The following PIN4 variants were observed in gnomAD, a reference collection of about 807,000 sequenced individuals.
PIN4 encodes peptidyl-prolyl cis-trans isomerase NIMA-interacting 4.
PIN4 carries 3 observed loss-of-function variants against 8.3 expected under a neutral mutation model. The ratio of observed to expected loss-of-function variants is 0.36; its 90% CI spans 0.16 to 0.93. The LOEUF (loss-of-function observed/expected upper bound fraction) is 0.93, where lower values mean the gene tolerates loss of function less well. Among genes scored for constraint, PIN4 ranks in the 40% least tolerant of loss-of-function variants. PIN4 has a pLI of 0.44. For synonymous variants in PIN4, 18 were observed against 32.5 expected (o/e 0.55, Z 1.52); for missense variants, 75 against 100.6 (o/e 0.75, Z 1.09).
chrX:72,196,876 A>G lies in PIN4; in HGVS notation c.209A>G (p.Gln70Arg), dbSNP rs1227047935. The change falls in exon 3 of 4, where the codon CAG becomes CGG. Residue 70 changes from glutamine (Q) to arginine (R), a missense_variant. Transcript: ENST00000373669. ...ATGAGATTCAATGAAGTGGCCGCAC[A>G]GTATAGTGAAGATAAAGCCAGGCAA... Reference protein sequence around the residue: ...SGMRFNEVAAQYSEDKARQGG... With the variant: ...SGMRFNEVAARYSEDKARQGG... The G allele has an allele frequency of 8.3e-6, 10 of 1,198,610 alleles. No individual in the cohort carries two copies. Among genetic ancestry groups the G allele is most frequent in the Non-Finnish European group, 1.1e-5 (10 of 888,435 alleles).
At chrX:72,235,105 A>C (rs1273183069) in intron 3 of PIN4, among the ~76,000 whole-genome samples, 5 of 112,213 alleles carry the variant, frequency 4.5e-5, no homozygotes, top group African/African-American at 1.6e-4. Context: ...CAAATGTTAA[A>C]ACAACACAAA....
At chrX:72,188,694 T>C (rs1378401389) in intron 2 of PIN4, among the ~76,000 whole-genome samples, 1 of 111,514 alleles carries the variant, frequency 9.0e-6, no homozygotes, top group Non-Finnish European at 1.9e-5. Context: ...TGTTTTGTTG[T>C]TTTTATCTTT....
intron 3 of PIN4, among the ~76,000 whole-genome samples, chrX:72,239,336 G>A (rs2043038099): frequency 8.9e-6 from 1 of 112,442 alleles, no homozygotes; most frequent in African/African-American, 3.2e-5. Flanking sequence ...GACCCCTGGA[G>A]ATCTCCAACG....
At chrX:72,215,391 GA>G (rs1174831623) in intron 3 of PIN4, among the ~76,000 whole-genome samples, 3 of 111,700 alleles carry the variant, frequency 2.7e-5, no homozygotes, top group African/African-American at 9.7e-5. Flanking sequence ...TACTTTAAAA[GA>G]AAAAAACTAA....
chrX:72,240,491 T>G (rs1050044876), intron 3 of PIN4, among the ~76,000 whole-genome samples: 2 of 111,738 alleles, frequency 1.8e-5, no homozygotes, highest in African/African-American at 6.5e-5. Flanking sequence ...TCATAAAATT[T>G]ATAGACCGTT....
At chrX:72,193,470 A>T (rs1350546092) in intron 2 of PIN4, among the ~76,000 whole-genome samples, 3 of 111,223 alleles carry the variant, frequency 2.7e-5, no homozygotes, top group Non-Finnish European at 3.8e-5. Flanking sequence ...GAAAACAGTG[A>T]TATTGATGAT....
At chrX:72,213,789 A>G (rs1286039918) in intron 3 of PIN4, among the ~76,000 whole-genome samples, 4 of 111,783 alleles carry the variant, frequency 3.6e-5, no homozygotes, top group Admixed American at 1.9e-4. Flanking sequence ...AACACTCACC[A>G]TGTGGCCCAA....
chrX:72,202,780 C>T (rs935103204), downstream of PIN4, among the ~76,000 whole-genome samples: 1 of 112,069 alleles, frequency 8.9e-6, no homozygotes, highest in Non-Finnish European at 1.9e-5. Flanking sequence ...CTTCTGTAAT[C>T]TCTTGTAATA....
At chrX:72,224,701 C>T (rs183196398) in intron 3 of PIN4, among the ~76,000 whole-genome samples, 59 of 111,443 alleles carry the variant, frequency 5.3e-4, no homozygotes, top group Middle Eastern at 4.6e-3. Context: ...GCCAAGATCA[C>T]GCCATTGTAC....
intron 1 of PIN4, among the ~76,000 whole-genome samples, chrX:72,186,004 C>T (rs996802960): frequency 2.7e-5 from 3 of 111,432 alleles, no homozygotes; most frequent in Non-Finnish European, 5.6e-5. Context: ...CCTATTAGCA[C>T]ACTCATTTGT....
chrX:72,194,865 A>G (rs2042756460), intron 2 of PIN4, among the ~76,000 whole-genome samples: 1 of 111,282 alleles, frequency 9.0e-6, no homozygotes, highest in African/African-American at 3.3e-5. Context: ...TATCTTTTAT[A>G]CTATATTTTT....
intron 3 of PIN4, among the ~76,000 whole-genome samples, chrX:72,228,203 G>A (rs181166261): frequency 1.3e-3 from 141 of 112,229 alleles, no homozygotes; most frequent in Non-Finnish European, 2.2e-3. Flanking sequence ...TCCTTTGTTC[G>A]GTGTACTCTC....
intron 3 of PIN4, among the ~76,000 whole-genome samples, chrX:72,226,976 A>G (rs759015482): frequency 3.6e-5 from 4 of 112,025 alleles, no homozygotes; most frequent in Non-Finnish European, 7.5e-5. Flanking sequence ...GCCATTTCCC[A>G]TCAATGTTCT....
chrX:72,205,378 C>T, intron 3 of PIN4: 1 of 1,211,996 alleles, frequency 8.3e-7, no homozygotes, highest in South Asian at 1.8e-5. Context: ...TTCCTCCACC[C>T]CTTCTTCTGG....
intron 3 of PIN4, among the ~76,000 whole-genome samples, chrX:72,222,779 G>A (rs2042931866): frequency 9.3e-6 from 1 of 107,823 alleles, no homozygotes; most frequent in South Asian, 4.2e-4. Flanking sequence ...TGTATTTTTA[G>A]TAGAGACAGG....
At chrX:72,258,945 G>A (rs184404963) in intron 3 of PIN4, among the ~76,000 whole-genome samples, 102 of 83,936 alleles carry the variant, frequency 1.2e-3, no homozygotes, top group African/African-American at 6.3e-3. Context: ...ATAAGTTCCC[G>A]CCAGAAAATA....
At position 72,197,512 on chromosome X, in the gene PIN4, G is replaced by A. The variant is rs756299765; in HGVS notation, c.382G>A (p.Glu128Lys). 4.2e-6 allele frequency: 5 copies of A among 1,199,101 alleles called. No homozygotes were observed. The highest frequency in any genetic ancestry group is 3.0e-5 in the East Asian group (1 of 33,778). ...TKFGYHIIMV[E>K]GRK ...ATTTGGATATCATATTATTATGGTC[G>A]AAGGAAGAAAATAAAATCATATGAA... Residue 128 changes from glutamate (E) to lysine (K), a missense_variant, in exon 4 of 4, where the codon GAA becomes AAA. Glu to Lys is a moderately conservative substitution (Grantham distance 56). Transcript: ENST00000373669.
chrX:72,185,092 C>T (rs771120219), intron 1 of PIN4, among the ~76,000 whole-genome samples: 4 of 96,365 alleles, frequency 4.2e-5, no homozygotes, highest in African/African-American at 7.8e-5. Context: ...TGCAGTGAGC[C>T]GAAATCGCGC....
At chrX:72,213,387 C>T (rs749198970) in intron 3 of PIN4, among the ~76,000 whole-genome samples, 1 of 111,680 alleles carries the variant, frequency 9.0e-6, no homozygotes, top group Non-Finnish European at 1.9e-5. Context: ...GGAAAATGAT[C>T]GGGATATAAA....
Sources: gnomAD v4.1 joint callset for allele counts (sites outside exome capture counted in the v4.1 genomes callset) on GRCh38, gnomAD v4.1.1 for gene constraint, MANE v1.5 for transcripts, NCBI Gene and HGNC (gene_info 2026-07-23, HGNC 2026-07-21) for gene names.